USP42: variants seen among roughly 807,000 people sequenced by gnomAD.
USP42 encodes the protein ubiquitin specific peptidase 42, also known as ubiquitin carboxyl-terminal hydrolase 42.
Under a neutral mutation model 113.0 loss-of-function variants are expected in USP42, and 23 were observed. That is an observed-to-expected ratio of 0.20 (90% CI 0.15 to 0.29). The LOEUF is 0.29. USP42 is among the 10% of genes least tolerant of loss of function. The pLI, the probability that USP42 is intolerant of heterozygous loss-of-function variation, is 1.00. For missense variants in USP42, 2,174 were observed against 1,779.8 expected, an observed-to-expected ratio of 1.22 and a Z score of -3.99; for synonymous variants, 933 against 699.0, an observed-to-expected ratio of 1.33 and a Z score of -5.28.
At chr7:6,092,038 C>CTTCTTCTTCTTCT in the USP42 span, among the ~76,000 whole-genome samples, 3 of 103,772 alleles carry the variant, frequency 2.9e-5, no homozygotes, top group African/African-American at 1.1e-4. Context: ...TCTTCTTCTT[C>CTTCTTCTTCTTCT]TTCTTCTTCT....
chr7:6,157,222 T>C lies in USP42; in HGVS notation c.3943+167T>C. On this transcript the variant is annotated intron_variant, in intron 16 of 17. Coordinates refer to ENST00000306177, the MANE Select transcript of USP42 (RefSeq NM_032172.3). This position sits in a 1 kb window ranked among gnomAD's most constrained non-coding sequence, Gnocchi z 4.1. ...CTGGCCTCAGTGCTCATCCCTGCAG[T>C]GTGGTTCCGTTGCACAGTTAAGCCC... is the stretch of plus-strand genomic sequence containing the variant. 7.1e-7 allele frequency: 1 copy of C among 1,411,524 alleles called. No homozygotes were observed. Among genetic ancestry groups the C allele is most frequent in the South Asian group, 1.6e-5 (1 of 62,806 alleles). The allele number at this position is 1,411,524 out of a possible 1,614,324, so 87.4% of individuals were successfully genotyped here. A position where few individuals can be genotyped will look rare whatever the true frequency, so the allele number is the denominator to read the frequency against.
At position 6,154,845 on chromosome 7, in the gene USP42, C is replaced by T; in HGVS notation, c.3291C>T (p.Asn1097=). The part of the protein sequence containing the change: ...GLHERPHKDH[N]RGRRGCEPAR... ...ACGAGCGGCCGCACAAGGACCACAA[C>T]CGGGGCCGTAGGGGCTGCGAGCCGG... Residue 1097 remains asparagine (N), a synonymous_variant, in exon 15 of 18, where the codon AAC becomes AAT. Transcript: ENST00000306177. The T allele has an allele frequency of 3.3e-6, 5 of 1,537,836 alleles. No homozygotes were observed. The highest frequency in any genetic ancestry group is 2.0e-5 in the Admixed American group (1 of 50,262).
rs369832833 is a variant in USP42 at position 6,139,150 on chromosome 7, C to T, written c.612C>T (p.Tyr204=). ...NQEDAHEFLQ[Y]TVDAMQKACL... ...AAGATGCCCATGAATTCCTTCAATA[C>T]ACTGTTGATGCTATGCAGAAAGCAT... The change falls in exon 5 of 18, where the codon TAC becomes TAT. Residue 204 remains tyrosine, a synonymous_variant. Transcript: ENST00000306177. This position sits in a 1 kb window ranked among gnomAD's most constrained non-coding sequence, Gnocchi z 4.5. 19 of 1,610,210 alleles carry T rather than the reference C, an allele frequency of 1.2e-5. No homozygotes were observed. In the African/African-American group the frequency reaches 2.3e-4, roughly 19 times the overall value.
chr7:6,095,388 G>C, the USP42 span, among the ~76,000 whole-genome samples: 2 of 151,126 alleles, frequency 1.3e-5, no homozygotes, highest in Non-Finnish European at 2.9e-5. Flanking sequence ...TGGCCAGAGG[G>C]GCCGGGTGTG....
chr7:6,153,307 A>C (rs563252291), intron 14 of USP42, among the ~76,000 whole-genome samples: 40 of 151,992 alleles, frequency 2.6e-4, no homozygotes, highest in Non-Finnish European at 5.1e-4. Flanking sequence ...CAAAACAAAA[A>C]AAAAAAATAG....
upstream of USP42, among the ~76,000 whole-genome samples, chr7:6,104,192 C>T (rs911257451): frequency 6.6e-6 from 1 of 151,434 alleles, no homozygotes; most frequent in Non-Finnish European, 1.5e-5. Flanking sequence ...AAGCAATTCT[C>T]CTGCCTCAGC....
chr7:6,136,229 C>G (rs1781141389), intron 4 of USP42, among the ~76,000 whole-genome samples: 1 of 152,004 alleles, frequency 6.6e-6, no homozygotes, highest in African/African-American at 2.4e-5. Flanking sequence ...GTCTCAAACT[C>G]CTGACCTCAG....
chr7:6,149,359 T>C (rs899950792), intron 12 of USP42, among the ~76,000 whole-genome samples: 6 of 152,058 alleles, frequency 3.9e-5, no homozygotes, highest in Admixed American at 3.9e-4. Context: ...CTGTGAAACA[T>C]GTATGTCCTG....
At chr7:6,091,939 G>T in the USP42 span, among the ~76,000 whole-genome samples, 1 of 147,380 alleles carries the variant, frequency 6.8e-6, no homozygotes, top group Non-Finnish European at 1.5e-5. Flanking sequence ...TTCGATATCT[G>T]CCTGGAAAAA....
rs1422596013 is a variant in USP42, at chr7:6,111,346, A to G, written c.213A>G (p.Lys71=). The G allele has an allele frequency of 6.8e-6, 11 of 1,611,438 alleles. No individual in the cohort carries two copies. Among genetic ancestry groups the G allele is most frequent in the African/African-American group, 5.3e-5 (4 of 74,914 alleles). Residue 71 remains lysine (K), a synonymous_variant, in exon 2 of 18, where the codon AAA becomes AAG. Coordinates refer to ENST00000306177, the MANE Select transcript of USP42 (RefSeq NM_032172.3). ...VVYSSSSVPD[K]SKPSPQKDQA... ...ATTCGAGTTCATCTGTACCTGATAA[A>G]TCAAAACCATCACCACAAAAGGATC...
At chr7:6,130,181 C>T (rs1051046691) in intron 3 of USP42, among the ~76,000 whole-genome samples, 12 of 152,190 alleles carry the variant, frequency 7.9e-5, no homozygotes, top group Admixed American at 5.2e-4. Flanking sequence ...TTATAAGACA[C>T]TGAGTCTTAT....
intron 3 of USP42, among the ~76,000 whole-genome samples, chr7:6,131,292 A>G (rs1780838600): frequency 6.6e-6 from 1 of 152,086 alleles, no homozygotes; most frequent in East Asian, 1.9e-4. Context: ...CCTGGCCAAC[A>G]TGGTGAAACC....
the USP42 span, among the ~76,000 whole-genome samples, chr7:6,087,488 C>T: frequency 6.7e-6 from 1 of 150,066 alleles, no homozygotes; most frequent in African/African-American, 2.5e-5. Flanking sequence ...ATGTGGATGC[C>T]ACTGCGCCTG....
At position 6,154,969 on chromosome 7, in the gene USP42, C is replaced by T. The variant is rs766792219; in HGVS notation, c.3415C>T (p.Leu1139Phe). 3.2e-6 allele frequency: 5 copies of T among 1,560,896 alleles called. No individual in the cohort carries two copies. In the Admixed American group the frequency reaches 5.8e-5, roughly 18 times the overall value. ...PDRFSHDRTA[L>F]VAGDNCNLSD... is the part of the protein sequence containing the mutation. ...CCGCTTCTCCCACGACAGAACTGCA[C>T]TTGTAGCCGGAGACAACTGTAACCT... Residue 1139 changes from leucine to phenylalanine, a missense_variant, in exon 15 of 18, where the codon CTT becomes TTT. Coordinates refer to ENST00000306177, the MANE Select transcript of USP42 (RefSeq NM_032172.3).
chr7:6,153,415 T>TA (rs1782188780), intron 14 of USP42, among the ~76,000 whole-genome samples: 2 of 152,202 alleles, frequency 1.3e-5, no homozygotes, highest in South Asian at 4.2e-4. Flanking sequence ...GGCTTGATGA[T>TA]ATAACATTTT....
chr7:6,116,944 C>T, intron 3 of USP42: 1 of 486,098 alleles, frequency 2.1e-6, no homozygotes, highest in Non-Finnish European at 4.1e-6. Context: ...AATTAGGTGC[C>T]TATCTTTTAT....
At chr7:6,127,879 C>T (rs1001846542) in intron 3 of USP42, among the ~76,000 whole-genome samples, 3 of 152,082 alleles carry the variant, frequency 2.0e-5, no homozygotes, top group African/African-American at 7.2e-5. Context: ...CTGAAGTCTG[C>T]TTTACTCTTT....
intron 3 of USP42, among the ~76,000 whole-genome samples, chr7:6,126,043 C>G (rs1780524815): frequency 6.6e-6 from 1 of 152,132 alleles, no homozygotes; most frequent in Non-Finnish European, 1.5e-5. Flanking sequence ...CTACAGAACC[C>G]AGCATGTTTC....
At chr7:6,116,541 A>G (rs1779921157) in intron 3 of USP42, 1 of 309,324 alleles carries the variant, frequency 3.2e-6, no homozygotes. Flanking sequence ...GCTATTAGTT[A>G]CTAGGATTTA....
Sources: gnomAD v4.1 joint callset for allele counts (sites outside exome capture counted in the v4.1 genomes callset) on GRCh38, gnomAD v4.1.1 for gene constraint, Gnocchi (gnomAD v3.1) non-coding constraint, MANE v1.5 for transcripts, NCBI Gene and HGNC (gene_info 2026-07-23, HGNC 2026-07-21) for gene names.